Variants in CCNJL observed in about 807,000 individuals in gnomAD.
The protein encoded by CCNJL is cyclin-J-like protein.
CCNJL carries 33 observed loss-of-function variants against 33.4 expected under a neutral mutation model. That is an observed-to-expected ratio of 0.99 (90% confidence interval 0.75 to 1.32). CCNJL has a LOEUF of 1.32. Among genes scored for constraint, CCNJL ranks in the 40% most tolerant of loss-of-function variants. The pLI is 0.00. For missense variants in CCNJL, 512 were observed against 499.7 expected (o/e 1.02, Z -0.23); for synonymous variants, 227 against 220.9 (o/e 1.03, Z -0.24).
upstream of CCNJL, among the ~76,000 whole-genome samples, chr5:160,313,645 AAATAAACTG>A (rs1763340129): frequency 6.6e-6 from 1 of 152,246 alleles, no homozygotes; most frequent in African/African-American, 2.4e-5. Context: ...AGATACCTAA[AAATAAACTG>A]AATAAATGTG....
chr5:160,333,987 C>T (rs1763644092), intron 1 of CCNJL, among the ~76,000 whole-genome samples: 1 of 152,172 alleles, frequency 6.6e-6, no homozygotes, highest in South Asian at 2.1e-4. Flanking sequence ...TCCTATCCAA[C>T]AATCGTATTC....
chr5:160,298,770 G>T (rs149423384), intron 2 of CCNJL, among the ~76,000 whole-genome samples: 2 of 152,238 alleles, frequency 1.3e-5, no homozygotes, highest in South Asian at 2.1e-4. Context: ...CAACATTAGC[G>T]AAGTGTATAA....
intron 1 of CCNJL, among the ~76,000 whole-genome samples, chr5:160,323,990 G>T (rs991956137): frequency 4.6e-5 from 7 of 152,154 alleles, no homozygotes; most frequent in African/African-American, 1.7e-4. Flanking sequence ...AGGCCTGTGG[G>T]CTTGGGCTGG....
chr5:160,321,008 CTCTCTCTTTCTTTCTTTCTTTCTT>C lies in CCNJL; in HGVS notation n.207-5527_207-5504del, dbSNP rs1373667414. On this transcript the variant is annotated intron_variant and non_coding_transcript_variant, in intron 1 of 7. Coordinates refer to the CCNJL transcript ENST00000377503. ...TCTCTTTCTTTCTTTCTCTCTCTCT[CTCTCTCTTTCTTTCTTTCTTTCTT>C]TCTTTCTTTCTTTCTTTCTTTCTTT... Among the ~76,000 whole-genome samples, 264 of 100,168 alleles carry C rather than the reference CTCTCTCTTTCTTTCTTTCTTTCTT, an allele frequency of 2.6e-3. 8 individuals carry two copies. Among genetic ancestry groups the C allele is most frequent in the Middle Eastern group, 0.018 (4 of 226 alleles). The allele number at this position is 100,168 out of a possible 152,430, so 65.7% of individuals were successfully genotyped here.
intron 3 of CCNJL, among the ~76,000 whole-genome samples, chr5:160,277,950 C>T (rs1762074850): frequency 6.6e-6 from 1 of 151,940 alleles, no homozygotes; most frequent in African/African-American, 2.4e-5. Context: ...TCTTGTTGCC[C>T]AGGCTGGAAT....
chr5:160,330,137 T>C (rs73819829), intron 1 of CCNJL, among the ~76,000 whole-genome samples: 5,021 of 152,174 alleles, frequency 0.033, 266 homozygotes, highest in African/African-American at 0.11. Flanking sequence ...TCTGACCCTG[T>C]CTCCTGAAAC....
At position 160,253,301 on chromosome 5, in the gene CCNJL, T is replaced by C. The variant is rs1366111434; in HGVS notation, c.*77A>G. On this transcript the variant is annotated 3_prime_UTR_variant, in exon 6 of 6. Coordinates refer to ENST00000257536, the MANE Select transcript of CCNJL (RefSeq NM_001308173.3). ...CAGGGATGGCCTCCTGCTGCCTCACTTGGCTGAGCTCTCCTCTTCAGTGTC... is the reference window on the plus strand; with the variant it reads ...CAGGGATGGCCTCCTGCTGCCTCACCTGGCTGAGCTCTCCTCTTCAGTGTC... 10 of 1,427,176 alleles carry C rather than the reference T, an allele frequency of 7.0e-6. No homozygotes were observed. Among genetic ancestry groups the C allele is most frequent in the Non-Finnish European group, 9.4e-6 (10 of 1,063,394 alleles). The allele number at this position is 1,427,176 out of a possible 1,614,324, so 88.4% of individuals were successfully genotyped here.
rs1432700776 is a variant in CCNJL, at chr5:160,267,304, T to C, written c.281-7533A>G. On this transcript the variant is annotated intron_variant, in intron 3 of 5. Coordinates refer to ENST00000257536, the MANE Select transcript of CCNJL (RefSeq NM_001308173.3). ...TGATTCTGGCAACGACCCTGGGAGG[T>C]TGGGGGTGTTTCCCACATGGAAACA... Among the ~76,000 whole-genome samples the C allele has an allele frequency of 1.4e-4, 22 of 151,848 alleles. 1 individual carries two copies. The highest frequency in any genetic ancestry group is 1.4e-3 in the Admixed American group (22 of 15,202).
chr5:160,316,392 A>C (rs1011905715), upstream of CCNJL, among the ~76,000 whole-genome samples: 1 of 151,086 alleles, frequency 6.6e-6, no homozygotes, highest in Admixed American at 6.6e-5. Context: ...AGTGCATTCT[A>C]CTTATCTTCA....
At chr5:160,288,853 G>T (rs1305839887) in intron 2 of CCNJL, among the ~76,000 whole-genome samples, 1 of 117,532 alleles carries the variant, frequency 8.5e-6, no homozygotes, top group African/African-American at 3.4e-5. Flanking sequence ...AAAAAAAAAA[G>T]AATAACATCA....
At chr5:160,302,795 C>A (rs184628609) in intron 2 of CCNJL, among the ~76,000 whole-genome samples, 1 of 150,910 alleles carries the variant, frequency 6.6e-6, no homozygotes, top group East Asian at 1.9e-4. Context: ...CTGGACAACA[C>A]AGTGAGACTC....
At chr5:160,274,139 T>G (rs1013411122) in intron 3 of CCNJL, among the ~76,000 whole-genome samples, 12 of 152,000 alleles carry the variant, frequency 7.9e-5, no homozygotes, top group African/African-American at 1.2e-4. Context: ...ACTTTACAAG[T>G]GAGTATAATA....
intron 2 of CCNJL, among the ~76,000 whole-genome samples, chr5:160,305,970 T>G (rs1187717578): frequency 6.6e-6 from 1 of 152,214 alleles, no homozygotes; most frequent in African/African-American, 2.4e-5. Flanking sequence ...ATCTTTTATC[T>G]GTCCACTGGT....
At chr5:160,313,812 T>C (rs1763342837), upstream of CCNJL, among the ~76,000 whole-genome samples, 1 of 152,230 alleles carries the variant, frequency 6.6e-6, no homozygotes, top group Non-Finnish European at 1.5e-5. Context: ...GCACTTAACA[T>C]GTTTTCTAAC....
Position 160,259,529 on chromosome 5 carries a change from G to C in CCNJL, c.523C>G (p.Arg175Gly), listed in dbSNP as rs200898721. The change falls in exon 4 of 6, where the codon CGC becomes GGC. Residue 175 changes from arginine (R) to glycine (G), a missense_variant. Arg to Gly is a moderately radical substitution (Grantham distance 125, BLOSUM62 -2). Coordinates refer to ENST00000257536, the MANE Select transcript of CCNJL (RefSeq NM_001308173.3). ...HCHTWPTTCP[R>G]KTKECLKEYA... ...TCCTTGAGGCACTCTTTGGTCTTGCGGGGGCAGGTGGTGGGCCAGGTGTGG... is the reference window on the plus strand; with the variant it reads ...TCCTTGAGGCACTCTTTGGTCTTGCCGGGGCAGGTGGTGGGCCAGGTGTGG... 2.5e-6 allele frequency: 4 copies of C among 1,614,044 alleles called. No individual in the cohort carries two copies. Among genetic ancestry groups the C allele is most frequent in the Non-Finnish European group, 3.4e-6 (4 of 1,180,022 alleles).
intron 2 of CCNJL, among the ~76,000 whole-genome samples, chr5:160,306,927 T>C (rs759194178): frequency 6.6e-6 from 1 of 152,240 alleles, no homozygotes; most frequent in Non-Finnish European, 1.5e-5. Flanking sequence ...CTTTTCTAAC[T>C]TCCTGCCCCA....
At chr5:160,271,505 A>G (rs1425079658) in intron 3 of CCNJL, among the ~76,000 whole-genome samples, 1 of 152,168 alleles carries the variant, frequency 6.6e-6, no homozygotes, top group African/African-American at 2.4e-5. Context: ...GTTTACACAA[A>G]ATCCCTCCCC....
intron 2 of CCNJL, among the ~76,000 whole-genome samples, chr5:160,283,294 C>CA (rs1351216302): frequency 6.6e-6 from 1 of 151,826 alleles, no homozygotes; most frequent in Non-Finnish European, 1.5e-5. Flanking sequence ...CCAGAATAGG[C>CA]AAATCCATAC....
At chr5:160,286,992 A>G (rs1388372209) in intron 2 of CCNJL, among the ~76,000 whole-genome samples, 1 of 152,170 alleles carries the variant, frequency 6.6e-6, no homozygotes, top group African/African-American at 2.4e-5. Flanking sequence ...AAGAAAGAAT[A>G]AATACAGAGT....
Sources: gnomAD v4.1 joint callset for allele counts (sites outside exome capture counted in the v4.1 genomes callset) on GRCh38, gnomAD v4.1.1 for gene constraint, MANE v1.5 for transcripts, NCBI Gene and HGNC (gene_info 2026-07-23, HGNC 2026-07-21) for gene names.